The following CNTN4 variants were observed in gnomAD, a reference collection of about 807,000 sequenced individuals.
CNTN4 encodes contactin-4.
In CNTN4, 77 loss-of-function variants were observed where a neutral mutation model predicts 122.5. That is an observed-to-expected ratio of 0.63 (90% CI 0.52 to 0.76). The LOEUF (loss-of-function observed/expected upper bound fraction) is 0.76, where lower values mean the gene tolerates loss of function less well. Among genes scored for constraint, CNTN4 ranks in the 30% least tolerant of loss-of-function variants. CNTN4 has a pLI of 0.00. For synonymous variants in CNTN4, 512 were observed against 447.0 expected (o/e 1.15, Z -1.83); for missense variants, 1,256 against 1,259.1 (o/e 1.00, Z 0.04).
intron 3 of CNTN4, among the ~76,000 whole-genome samples, chr3:2,563,442 A>C (rs1053640530): frequency 6.6e-6 from 1 of 152,206 alleles, no homozygotes; most frequent in African/African-American, 2.4e-5. Flanking sequence ...ATAATACAGA[A>C]ACTACTATAT....
chr3:2,440,473 G>A (rs142656216), intron 3 of CNTN4, among the ~76,000 whole-genome samples: 8 of 152,220 alleles, frequency 5.3e-5, no homozygotes, highest in Non-Finnish European at 1.0e-4. Context: ...GATAATTTGT[G>A]AATTGCTCAT....
Position 2,426,236 on chromosome 3 carries a change from C to T in CNTN4, c.-89+87003C>T, listed in dbSNP as rs191350599. ...AAATAGCTCTTATTATTTTGAGATA[C>T]GTCCCATCAATACCTAATTTGTTGA... On this transcript the variant is annotated intron_variant, in intron 3 of 24. Transcript: ENST00000418658. Among the ~76,000 whole-genome samples, 57 of 152,246 alleles carry T rather than the reference C, an allele frequency of 3.7e-4. 2 individuals are homozygous for T. In the East Asian group the frequency reaches 9.3e-3, roughly 25 times the overall value.
chr3:2,726,397 G>A (rs910026694), intron 4 of CNTN4, among the ~76,000 whole-genome samples: 16 of 152,318 alleles, frequency 1.1e-4, no homozygotes, highest in African/African-American at 3.8e-4. Context: ...CTCCTGACCT[G>A]TGCAGAGGAT....
chr3:2,101,553 T>A (rs1296612671), intron 2 of CNTN4, among the ~76,000 whole-genome samples: 1 of 150,094 alleles, frequency 6.7e-6, no homozygotes, highest in Non-Finnish European at 1.5e-5. Context: ...ACACACTGAT[T>A]TTTTTTGTTC....
chr3:2,426,665 C>G (rs2047846720), intron 3 of CNTN4, among the ~76,000 whole-genome samples: 1 of 152,110 alleles, frequency 6.6e-6, no homozygotes, highest in African/African-American at 2.4e-5. Context: ...CTCTTTGTAC[C>G]TCTGGTAGAA....
At chr3:2,604,325 C>T (rs1559294320) in intron 4 of CNTN4, among the ~76,000 whole-genome samples, 3 of 152,120 alleles carry the variant, frequency 2.0e-5, no homozygotes, top group Non-Finnish European at 4.4e-5. Context: ...GTATCCTAGT[C>T]ACCAGAGGAA....
intron 2 of CNTN4, among the ~76,000 whole-genome samples, chr3:2,125,923 G>A (rs1269429961): frequency 3.3e-5 from 5 of 150,690 alleles, no homozygotes; most frequent in Non-Finnish European, 7.4e-5. Flanking sequence ...GTGTGTGTGT[G>A]TGTGTATGTG....
chr3:2,243,608 C>G (rs903688029), intron 2 of CNTN4, among the ~76,000 whole-genome samples: 1 of 151,988 alleles, frequency 6.6e-6, no homozygotes, highest in African/African-American at 2.4e-5. Flanking sequence ...AGCCAAAAGA[C>G]TGGACACCCT....
intron 6 of CNTN4, among the ~76,000 whole-genome samples, chr3:2,751,573 C>T (rs1006331005): frequency 3.3e-5 from 5 of 152,096 alleles, no homozygotes; most frequent in Non-Finnish European, 7.4e-5. Flanking sequence ...AAGATAAGGC[C>T]TAAAGAGGAG....
intron 2 of CNTN4, among the ~76,000 whole-genome samples, chr3:2,245,016 A>G (rs1290852218): frequency 6.6e-6 from 1 of 152,056 alleles, no homozygotes; most frequent in Non-Finnish European, 1.5e-5. Flanking sequence ...TCTAACGTCA[A>G]ATAAACGGAG....
intron 9 of CNTN4, among the ~76,000 whole-genome samples, chr3:2,886,445 A>T (rs1168152670): frequency 6.6e-6 from 1 of 151,606 alleles, no homozygotes; most frequent in African/African-American, 2.4e-5. Flanking sequence ...AAAACATATG[A>T]GGAAACATAT....
chr3:2,127,667 C>T (rs987715929), intron 2 of CNTN4, among the ~76,000 whole-genome samples: 1 of 152,130 alleles, frequency 6.6e-6, no homozygotes, highest in Admixed American at 6.6e-5. Context: ...GATCAGATTC[C>T]ATATTGGAAA....
At chr3:2,776,358 TCCA>T (rs1320853520) in intron 6 of CNTN4, among the ~76,000 whole-genome samples, 2 of 151,942 alleles carry the variant, frequency 1.3e-5, no homozygotes, top group East Asian at 3.9e-4. Context: ...TATTTAATAT[TCCA>T]CATGAAGGAT....
At chr3:2,649,857 G>A (rs975266878) in intron 4 of CNTN4, among the ~76,000 whole-genome samples, 23 of 151,800 alleles carry the variant, frequency 1.5e-4, no homozygotes, top group African/African-American at 1.9e-4. Context: ...GGCTGGGCAC[G>A]GTGGCTCATA....
intron 6 of CNTN4, among the ~76,000 whole-genome samples, chr3:2,781,026 C>T (rs1194756361): frequency 1.3e-5 from 2 of 151,776 alleles, no homozygotes; most frequent in African/African-American, 4.8e-5. Context: ...TATGGTCCTG[C>T]CAAAAATCTC....
chr3:2,913,551 T>G (rs2094323708), intron 12 of CNTN4, among the ~76,000 whole-genome samples: 1 of 152,142 alleles, frequency 6.6e-6, no homozygotes, highest in Non-Finnish European at 1.5e-5. Flanking sequence ...AGACAAAAAC[T>G]GTCACAAGAG....
At chr3:3,037,146 A>G (rs370796402) in intron 17 of CNTN4, 33 bp from the exon 18 acceptor site, 50 of 1,613,506 alleles carry the variant, frequency 3.1e-5, no homozygotes, top group Non-Finnish European at 3.6e-5. Context: ...CTGAGAACCT[A>G]TGAAACAGCC....
chr3:2,348,568 G>C (rs2044491738), intron 3 of CNTN4, among the ~76,000 whole-genome samples: 1 of 151,876 alleles, frequency 6.6e-6, no homozygotes, highest in Non-Finnish European at 1.5e-5. Flanking sequence ...CAGACCTTCA[G>C]CATTCCATTT....
At chr3:2,900,886 G>T in intron 11 of CNTN4, 65 bp downstream of exon 11, 1 of 1,571,228 alleles carries the variant, frequency 6.4e-7, no homozygotes, top group Non-Finnish European at 8.8e-7. Flanking sequence ...CCTCATTGCC[G>T]TGGAAACGGG....
Sources: allele counts gnomAD v4.1 joint callset (sites outside exome capture counted in the v4.1 genomes callset), GRCh38; gene constraint gnomAD v4.1.1; transcripts MANE v1.5; gene names NCBI Gene and HGNC (gene_info 2026-07-23, HGNC 2026-07-21).